The following CUTC variants were observed in gnomAD, a reference collection of about 807,000 sequenced individuals.
CUTC encodes the protein cutC copper transporter, also known as copper homeostasis protein cutC homolog.
A neutral mutation model predicts 36.2 loss-of-function variants in CUTC; 27 were observed. The observed-to-expected ratio is 0.75, with a 90% CI of 0.55 to 1.03. The LOEUF (loss-of-function observed/expected upper bound fraction) is 1.03. Ranked by LOEUF, CUTC falls within the 50% of genes least tolerant of loss-of-function variation. The probability of loss-of-function intolerance (pLI) is 0.00; values close to 1 mark genes in which losing one functional copy is unlikely to be tolerated. For synonymous variants in CUTC, 114 were observed against 118.3 expected, an observed-to-expected ratio of 0.96 and a Z score of 0.24; for missense variants, 315 against 343.5, an observed-to-expected ratio of 0.92 and a Z score of 0.66.
intron 7 of CUTC, 28 bp downstream of exon 7, chr10:99,750,424 C>T (rs761784854): frequency 2.8e-5 from 44 of 1,572,724 alleles, no homozygotes; most frequent in Non-Finnish European, 3.6e-5. Context: ...AATTCACTAG[C>T]ATAACACTGA....
At position 99,747,355 on chromosome 10, in the gene CUTC, G is replaced by C; in HGVS notation, c.538G>C (p.Glu180Gln). The change falls in exon 6 of 9, where the codon GAA (glutamate) becomes CAA (glutamine). Residue 180 changes from glutamate to glutamine, a missense_variant. Transcript: ENST00000370476. ...CAGTGGATGTGACAGTTCAGCATTA[G>C]AAGGGCTACCCCTAATAAAGCGACT... ...LTSGCDSSAL[E>Q]GLPLIKRLIE... 1 of 1,614,190 alleles carries C rather than the reference G, an allele frequency of 6.2e-7. No individual in the cohort carries two copies. The highest frequency in any genetic ancestry group is 8.5e-7 in the Non-Finnish European group (1 of 1,180,038).
In CUTC at chr10:99,732,327, A is replaced by C; in HGVS notation, c.-22A>C. Reference sequence around the variant, plus strand: ...AATTCCAAGTGGAAACTGCAGGCGCACGAGGGAGGAACGCGTGGAGCATGA... The same window carrying C: ...AATTCCAAGTGGAAACTGCAGGCGCCCGAGGGAGGAACGCGTGGAGCATGA... On this transcript the variant is annotated 5_prime_UTR_variant, in exon 1 of 9. Transcript: ENST00000370476. The C allele has an allele frequency of 6.4e-7, 1 of 1,551,406 alleles. No homozygotes were observed. Among genetic ancestry groups the C allele is most frequent in the Non-Finnish European group, 8.7e-7 (1 of 1,147,164 alleles).
In CUTC at chr10:99,743,266, A is replaced by G. The variant is rs780122061; in HGVS notation, c.307A>G (p.Ile103Val). 3 of 1,614,060 alleles carry G rather than the reference A, an allele frequency of 1.9e-6. No individual in the cohort carries two copies. Among genetic ancestry groups the G allele is most frequent in the Admixed American group, 1.7e-5 (1 of 60,010 alleles). The change falls in exon 4 of 9, where the codon ATT becomes GTT. Residue 103 changes from isoleucine (I) to valine (V), a missense_variant. Transcript: ENST00000370476. Reference sequence around the variant, plus strand: ...TGAAATTGAGGTGATGAAGGCTGACATTCGTCTTGCCAAGCTTTATGGTGC... The same window carrying G: ...TGAAATTGAGGTGATGAAGGCTGACGTTCGTCTTGCCAAGCTTTATGGTGC... ...DREIEVMKAD[I>V]RLAKLYGADG...
chr10:99,743,591 C>T (rs1432936702), intron 4 of CUTC, among the ~76,000 whole-genome samples: 1 of 152,104 alleles, frequency 6.6e-6, no homozygotes, highest in African/African-American at 2.4e-5. Flanking sequence ...CTACTGTTCC[C>T]ATAGAATAGA....
intron 5 of CUTC, among the ~76,000 whole-genome samples, chr10:99,745,782 G>T (rs2037373834): frequency 6.6e-6 from 1 of 152,222 alleles, no homozygotes; most frequent in South Asian, 2.1e-4. Context: ...ACTTGAATCA[G>T]GGAGTCAGAG....
Position 99,747,377 on chromosome 10 carries a change from G to A in CUTC, c.560G>A (p.Arg187Gln), listed in dbSNP as rs750721875. The A allele has an allele frequency of 1.7e-5, 28 of 1,614,038 alleles. No homozygotes were observed. Among genetic ancestry groups the A allele is most frequent in the Middle Eastern group, 1.6e-4 (1 of 6,084 alleles). The stretch of plus-strand genomic sequence containing the variant: ...TTAGAAGGGCTACCCCTAATAAAGC[G>A]ACTCATTGAGCAGGTACGTGGACTT... The part of the protein sequence containing the change: ...SALEGLPLIK[R>Q]LIEQAKGRIV... Residue 187 changes from arginine to glutamine, a missense_variant, in exon 6 of 9, where the codon CGA becomes CAA. Arg to Gln is a conservative substitution (Grantham distance 43). Transcript: ENST00000370476.
chr10:99,749,034 G>A lies in CUTC; in HGVS notation c.574-1335G>A, dbSNP rs1002381297. ...CCAGTTTTAAAAGGTTACTCAGTAA[G>A]GAGTAGCAAATAAGATATAACCGCC... On this transcript the variant is annotated intron_variant, in intron 6 of 8. Transcript: ENST00000370476. Among the ~76,000 whole-genome samples the A allele has an allele frequency of 2.8e-4, 43 of 152,124 alleles. 1 individual carries two copies. The highest frequency in any genetic ancestry group is 7.4e-5 in the Non-Finnish European group (5 of 68,006).
At chr10:99,750,505 C>T in intron 7 of CUTC, 109 bp downstream of exon 7, 1 of 674,204 alleles carries the variant, frequency 1.5e-6, no homozygotes, top group South Asian at 2.6e-5. Context: ...CATATTAGTA[C>T]ATGATCTTTA....
At chr10:99,752,078 C>T (rs1166027082) in intron 7 of CUTC, among the ~76,000 whole-genome samples, 1 of 152,116 alleles carries the variant, frequency 6.6e-6, no homozygotes, top group Non-Finnish European at 1.5e-5. Flanking sequence ...GACATCACAT[C>T]AGAAGGTATT....
intron 7 of CUTC, among the ~76,000 whole-genome samples, chr10:99,753,621 G>C (rs890921972): frequency 6.6e-6 from 1 of 152,148 alleles, no homozygotes; most frequent in Non-Finnish European, 1.5e-5. Flanking sequence ...ATGTTGCCCA[G>C]GCTGGTCTCA....
rs768669681 is a variant in CUTC, at chr10:99,743,379, A to G, written c.403+17A>G. 1.9e-6 allele frequency: 3 copies of G among 1,590,174 alleles called. No homozygotes were observed. The African/African-American group carries it at 4.0e-5, about 21-fold the overall frequency. On this transcript the variant is annotated intron_variant, in intron 4 of 8. Transcript: ENST00000370476. ...CCCTTATGGGTAAGAATTTGTATCT[A>G]AGACGTAAAAGCCTCTAATGATAAT... is the stretch of plus-strand genomic sequence containing the variant.
intron 5 of CUTC, among the ~76,000 whole-genome samples, chr10:99,745,091 A>G (rs2037368863): frequency 6.6e-6 from 1 of 152,220 alleles, no homozygotes; most frequent in African/African-American, 2.4e-5. Context: ...CTTAGGCTAC[A>G]CCTTGGTAAA....
At position 99,739,774 on chromosome 10, in the gene CUTC, G is replaced by C; in HGVS notation, c.193+5G>C. On this transcript the variant is annotated splice_donor_5th_base_variant and intron_variant, in intron 3 of 8. Coordinates refer to ENST00000370476, the MANE Select transcript of CUTC (RefSeq NM_015960.3). ...GGGGAACTACACCCAGCATGGGTAA[G>C]TGTCCATTTTTCCCAGGTTTTCTGA... 6.2e-7 allele frequency: 1 copy of C among 1,607,094 alleles called. No homozygotes were observed. The highest frequency in any genetic ancestry group is 1.1e-5 in the South Asian group (1 of 89,472).
chr10:99,744,877 C>T (rs1249724727), intron 5 of CUTC, among the ~76,000 whole-genome samples: 2 of 152,134 alleles, frequency 1.3e-5, no homozygotes, highest in South Asian at 2.1e-4. Context: ...CTCAGCCTCC[C>T]GAGTAGCTGG....
chr10:99,736,215 A>T (rs1192297089), intron 1 of CUTC, 31 bp from the exon 2 acceptor site: 2 of 1,596,462 alleles, frequency 1.3e-6, no homozygotes, highest in Admixed American at 3.3e-5. Context: ...TAGAACCTTT[A>T]TGAACTCTTA....
In CUTC at chr10:99,732,399, C is replaced by G. The variant is rs1181226521; in HGVS notation, c.51C>G (p.Ser17=). The change falls in exon 1 of 9, where the codon TCC becomes TCG. Residue 17 remains serine (S), a synonymous_variant. Transcript: ENST00000370476. ...SSERKRARIP[S]GKAGAANGFL... ...AGCGAAAACGAGCGCGGATACCGTCCGGGAAGGCCGGTGCGGAAGGTGGCG... is the reference window on the plus strand; with the variant it reads ...AGCGAAAACGAGCGCGGATACCGTCGGGGAAGGCCGGTGCGGAAGGTGGCG... 4.5e-6 allele frequency: 7 copies of G among 1,551,388 alleles called. No individual in the cohort carries two copies. Among genetic ancestry groups the G allele is most frequent in the African/African-American group, 4.1e-5 (3 of 73,050 alleles).
chr10:99,746,218 G>A (rs2037376657), intron 5 of CUTC, among the ~76,000 whole-genome samples: 2 of 152,184 alleles, frequency 1.3e-5, no homozygotes, highest in South Asian at 4.1e-4. Context: ...CAGAGGCATG[G>A]ATGGAGCTGG....
At chr10:99,738,093 C>T (rs1203315373) in intron 2 of CUTC, among the ~76,000 whole-genome samples, 5 of 150,460 alleles carry the variant, frequency 3.3e-5, no homozygotes, top group South Asian at 4.2e-4. Context: ...TTGCGTGAGC[C>T]GAGATCACGC....
rs565854931 is a variant in CUTC, at chr10:99,736,125, A to G, written c.62-121A>G. On this transcript the variant is annotated intron_variant, in intron 1 of 8. Coordinates refer to ENST00000370476, the MANE Select transcript of CUTC (RefSeq NM_015960.3). ...TTATTGCATTCATGGGCCCTAGTGT[A>G]CTTATCTATTACCTGTTATTGGACA... 4 of 713,612 alleles carry G rather than the reference A, an allele frequency of 5.6e-6. No individual in the cohort carries two copies. The African/African-American group carries it at 7.0e-5, about 13-fold the overall frequency. 44.2% of individuals were successfully genotyped at this position (713,612 alleles called of 1,614,324 possible). A position where few individuals can be genotyped will look rare whatever the true frequency, so the allele number is the denominator to read the frequency against.
Sources: allele counts gnomAD v4.1 joint callset (sites outside exome capture counted in the v4.1 genomes callset), GRCh38; gene constraint gnomAD v4.1.1; transcripts MANE v1.5; gene names NCBI Gene and HGNC (gene_info 2026-07-23, HGNC 2026-07-21).